Variants in STAU2 observed in about 807,000 individuals in gnomAD.
The protein encoded by STAU2 is staufen double-stranded RNA binding protein 2, also known as double-stranded RNA-binding protein Staufen homolog 2.
STAU2 carries 20 observed loss-of-function variants against 65.9 expected under a neutral mutation model. The ratio of observed to expected loss-of-function variants is 0.30; its 90% CI spans 0.21 to 0.44. The LOEUF (loss-of-function observed/expected upper bound fraction) is 0.44. STAU2 is among the 20% of genes least tolerant of loss of function. The probability of loss-of-function intolerance (pLI) is 1.00; values close to 1 mark genes in which losing one functional copy is unlikely to be tolerated. For missense variants in STAU2, 558 were observed against 683.9 expected (o/e 0.82, Z 2.05); for synonymous variants, 232 against 233.9 (o/e 0.99, Z 0.07).
At chr8:73,566,602 A>T (rs1317695960) in intron 12 of STAU2, among the ~76,000 whole-genome samples, 1 of 152,216 alleles carries the variant, frequency 6.6e-6, no homozygotes, top group Non-Finnish European at 1.5e-5. Context: ...TATATCTAGA[A>T]ATAAAGGTGC....
At chr8:73,681,884 G>C (rs1302732094) in intron 5 of STAU2, among the ~76,000 whole-genome samples, 1 of 151,964 alleles carries the variant, frequency 6.6e-6, no homozygotes, top group Non-Finnish European at 1.5e-5. Flanking sequence ...GACAAAGAGG[G>C]ACATTACATA....
intron 9 of STAU2, among the ~76,000 whole-genome samples, chr8:73,606,966 A>G (rs1346191186): frequency 6.6e-6 from 1 of 152,140 alleles, no homozygotes; most frequent in African/African-American, 2.4e-5. Flanking sequence ...TAAAGAAGCC[A>G]GCCAAAAAAA....
In STAU2 at chr8:73,486,019, T is replaced by G. The variant is rs544773722; in HGVS notation, c.1531-63317A>C. 2.0e-5 allele frequency among the ~76,000 whole-genome samples: 3 copies of G among 152,270 alleles called. No homozygotes were observed. In the East Asian group the frequency reaches 5.8e-4, roughly 29 times the overall value. On this transcript the variant is annotated intron_variant, in intron 13 of 14. Transcript: ENST00000524300. ...GGCTGACAGGAAGTTCAGGGTATAC[T>G]CTTCAGGGTCTTGGCTTCTTCTCTT...
intron 1 of STAU2, among the ~76,000 whole-genome samples, chr8:73,744,480 C>T (rs1382192248): frequency 9.7e-6 from 1 of 103,562 alleles, no homozygotes; most frequent in South Asian, 3.1e-4. Context: ...GAAGGGTAGG[C>T]ACAAAGGAAA....
intron 6 of STAU2, among the ~76,000 whole-genome samples, chr8:73,634,578 T>C (rs1268912399): frequency 6.6e-6 from 1 of 152,212 alleles, no homozygotes; most frequent in Non-Finnish European, 1.5e-5. Context: ...TCATTCATAG[T>C]AGCCAGAATC....
In STAU2 at chr8:73,585,135, T is replaced by C. The variant is rs561978797; in HGVS notation, c.1162-2305A>G. On this transcript the variant is annotated intron_variant, in intron 11 of 14. Coordinates refer to ENST00000524300, the MANE Select transcript of STAU2 (RefSeq NM_001164380.2). ...TTTAATAAGTGGAATTAATAAAATC[T>C]GTTTTATTTGACTAAACTAATTTCT... 4.6e-5 allele frequency among the ~76,000 whole-genome samples: 7 copies of C among 151,832 alleles called. No homozygotes were observed. In the South Asian group the frequency reaches 1.4e-3, roughly 31 times the overall value.
intron 13 of STAU2, among the ~76,000 whole-genome samples, chr8:73,436,181 G>A (rs1362528348): frequency 2.0e-5 from 3 of 151,976 alleles, no homozygotes; most frequent in African/African-American, 7.3e-5. Context: ...GGGAGAGGGG[G>A]TGATGGTCAA....
chr8:73,651,075 C>T (rs1815831179), intron 6 of STAU2, among the ~76,000 whole-genome samples: 1 of 152,220 alleles, frequency 6.6e-6, no homozygotes, highest in South Asian at 2.1e-4. Flanking sequence ...GCTCCGTGGA[C>T]TGGCTCTCCC....
intron 13 of STAU2, among the ~76,000 whole-genome samples, chr8:73,446,793 ACT>A (rs1355802823): frequency 2.6e-5 from 4 of 151,876 alleles, no homozygotes; most frequent in Admixed American, 2.6e-4. Flanking sequence ...AAAATTAATA[ACT>A]CTCATTGTAA....
chr8:73,429,178 C>T (rs1817063848), intron 13 of STAU2, among the ~76,000 whole-genome samples: 1 of 152,028 alleles, frequency 6.6e-6, no homozygotes, highest in South Asian at 2.1e-4. Context: ...CAGTGGTGAC[C>T]GATTTATCTT....
intron 13 of STAU2, among the ~76,000 whole-genome samples, chr8:73,521,883 T>C (rs1823061895): frequency 6.6e-6 from 1 of 152,256 alleles, no homozygotes. Context: ...TATGTGGTAA[T>C]CTTGCTTTTG....
chr8:73,695,956 G>A (rs79820490), intron 4 of STAU2, among the ~76,000 whole-genome samples: 1 of 152,178 alleles, frequency 6.6e-6, no homozygotes, highest in South Asian at 2.1e-4. Flanking sequence ...CCGCCACCCT[G>A]AAGGGAAGGG....
At chr8:73,487,406 A>C (rs1230002093) in intron 13 of STAU2, among the ~76,000 whole-genome samples, 1 of 152,112 alleles carries the variant, frequency 6.6e-6, no homozygotes, top group Non-Finnish European at 1.5e-5. Context: ...GAAAGTGAAG[A>C]GGTGACTTGT....
At chr8:73,661,088 G>A (rs931828924) in intron 6 of STAU2, among the ~76,000 whole-genome samples, 6 of 152,148 alleles carry the variant, frequency 3.9e-5, no homozygotes, top group Non-Finnish European at 8.8e-5. Flanking sequence ...GTAAGGAAGC[G>A]TTATTTATTC....
At chr8:73,524,151 A>T (rs1331008834) in intron 13 of STAU2, among the ~76,000 whole-genome samples, 2 of 152,196 alleles carry the variant, frequency 1.3e-5, no homozygotes, top group African/African-American at 4.8e-5. Context: ...AGGGACTTAA[A>T]CTAGAATGGT....
At chr8:73,600,969 C>A (rs1811590912) in intron 10 of STAU2, among the ~76,000 whole-genome samples, 2 of 152,222 alleles carry the variant, frequency 1.3e-5, no homozygotes, top group Non-Finnish European at 2.9e-5. Context: ...TCACTCAAAA[C>A]ATCACTTTAT....
intron 6 of STAU2, among the ~76,000 whole-genome samples, chr8:73,669,526 A>T (rs1439194474): frequency 6.6e-6 from 1 of 152,182 alleles, no homozygotes; most frequent in Non-Finnish European, 1.5e-5. Context: ...AATTTCACAT[A>T]CTAACTCCTC....
intron 5 of STAU2, among the ~76,000 whole-genome samples, chr8:73,674,288 A>C (rs1817884128): frequency 6.6e-6 from 1 of 151,972 alleles, no homozygotes; most frequent in Admixed American, 6.6e-5. Flanking sequence ...ATCGAAAGAA[A>C]ACTGGAACTA....
chr8:73,634,718 T>C (rs903063012), intron 6 of STAU2, among the ~76,000 whole-genome samples: 1 of 152,156 alleles, frequency 6.6e-6, no homozygotes, highest in African/African-American at 2.4e-5. Flanking sequence ...AAACTCACCA[T>C]ATAAGCCTCC....
Sources: gnomAD v4.1 joint callset for allele counts (sites outside exome capture counted in the v4.1 genomes callset) on GRCh38, gnomAD v4.1.1 for gene constraint, MANE v1.5 for transcripts, NCBI Gene and HGNC (gene_info 2026-07-23, HGNC 2026-07-21) for gene names.